AKAP11: variants seen among roughly 807,000 people sequenced by gnomAD.
AKAP11 encodes A-kinase anchor protein 11.
A neutral mutation model predicts 146.1 loss-of-function variants in AKAP11; 36 were observed. The observed-to-expected ratio is 0.25, with a 90% confidence interval of 0.19 to 0.33. The LOEUF (loss-of-function observed/expected upper bound fraction) is 0.33. Ranked by LOEUF, AKAP11 falls within the 10% of genes least tolerant of loss-of-function variation. The pLI is 1.00. For missense variants in AKAP11, 2,201 were observed against 2,197.0 expected, an observed-to-expected ratio of 1.00 and a Z score of -0.04; for synonymous variants, 780 against 786.5, an observed-to-expected ratio of 0.99 and a Z score of 0.14.
chr13:42,290,610 A>G (rs1038287432), intron 3 of AKAP11, among the ~76,000 whole-genome samples: 2 of 152,154 alleles, frequency 1.3e-5, no homozygotes, highest in African/African-American at 4.8e-5. Flanking sequence ...ATTTTTAGGT[A>G]AAGGAGCTCC....
At chr13:42,298,217 G>A (rs2138567845) in intron 6 of AKAP11, among the ~76,000 whole-genome samples, 1 of 152,114 alleles carries the variant, frequency 6.6e-6, no homozygotes, top group South Asian at 2.1e-4. Flanking sequence ...GAATGATTAA[G>A]GAAAATCATA....
intron 1 of AKAP11, among the ~76,000 whole-genome samples, chr13:42,272,981 T>C (rs1792350884): frequency 6.6e-6 from 1 of 152,262 alleles, no homozygotes; most frequent in South Asian, 2.1e-4. Flanking sequence ...TTCATTTTTT[T>C]TCTCTGCTTT....
intron 12 of AKAP11, 119 bp from the exon 13 acceptor site, chr13:42,318,969 A>G (rs1004965750): frequency 2.6e-5 from 32 of 1,215,316 alleles, no homozygotes; most frequent in Non-Finnish European, 3.6e-5. Flanking sequence ...TATAACTAGG[A>G]AACGGTATTT....
chr13:42,318,276 G>A (rs1021158128), intron 12 of AKAP11, among the ~76,000 whole-genome samples: 2 of 152,118 alleles, frequency 1.3e-5, no homozygotes, highest in Non-Finnish European at 1.5e-5. Context: ...TTTTGGGGTG[G>A]TAGAAATATT....
chr13:42,290,915 CA>C (rs1241671865), intron 3 of AKAP11, among the ~76,000 whole-genome samples: 7 of 152,128 alleles, frequency 4.6e-5, no homozygotes, highest in African/African-American at 7.2e-5. Flanking sequence ...ATTTACAGAC[CA>C]AAAGCTGGGT....
intron 8 of AKAP11, 111 bp from the exon 9 acceptor site, chr13:42,308,343 C>G (rs1960383241): frequency 2.2e-6 from 2 of 906,388 alleles, no homozygotes; most frequent in Non-Finnish European, 3.2e-6. Context: ...TGGTCTGATT[C>G]CGAATACCAT....
chr13:42,321,462 C>T lies in AKAP11; in HGVS notation c.*2234C>T, dbSNP rs144097896. On this transcript the variant is annotated 3_prime_UTR_variant, in exon 13 of 13. Transcript: ENST00000025301. ...TAATAATAGTGGAACTTCACACTTA[C>T]ATCAATTCAGTGCAGGGGCATAGAA... The T allele has an allele frequency of 9.1e-4, 139 of 152,284 alleles. No homozygotes were observed. Among genetic ancestry groups the T allele is most frequent in the African/African-American group, 3.2e-3 (133 of 41,498 alleles). 9.4% of individuals were successfully genotyped at this position (152,284 alleles called of 1,614,324 possible).
intron 1 of AKAP11, among the ~76,000 whole-genome samples, chr13:42,277,620 AG>A (rs1369491560): frequency 6.6e-6 from 1 of 152,248 alleles, no homozygotes; most frequent in Non-Finnish European, 1.5e-5. Context: ...TTTTGTAAAA[AG>A]TCATTAGGTA....
chr13:42,303,783 G>C lies in AKAP11; in HGVS notation c.5037G>C (p.Gln1679His). 1 of 1,613,504 alleles carries C rather than the reference G, an allele frequency of 6.2e-7. No individual in the cohort carries two copies. Among genetic ancestry groups the C allele is most frequent in the Non-Finnish European group, 8.5e-7 (1 of 1,179,682 alleles). The change falls in exon 8 of 13, where the codon CAG becomes CAC. Residue 1679 changes from glutamine (Q) to histidine (H), a missense_variant. By Grantham distance (24) the Gln-to-His change is conservative. This residue lies in a region of AKAP11 where 1,867 missense variants were observed against 1,833.5 expected (regional missense o/e 1.02). Transcript: ENST00000025301. ...TSLAADSGIG[Q>H]EGASFAESLA... ...TGGCAGCCGACAGTGGGATCGGACA[G>C]GAGGGTGCCAGCTTTGCTGAAAGCC...
rs1200216558 is a variant in AKAP11 at position 42,313,924 on chromosome 13, T to G, written c.5388T>G (p.His1796Gln). ...GACCAGATGATAAAGATGAAGAGCA[T>G]GAGGACGAAGTAGAAGGTAATTTGA... The part of the protein sequence containing the change: ...SDGPDDKDEE[H>Q]EDEVEGLGQD... Residue 1796 changes from histidine to glutamine, a missense_variant, in exon 11 of 13, where the codon CAT becomes CAG. His to Gln is a conservative substitution (Grantham distance 24). This residue lies in a region of AKAP11 where 1,867 missense variants were observed against 1,833.5 expected (regional missense o/e 1.02). Transcript: ENST00000025301. The G allele has an allele frequency of 6.2e-7, 1 of 1,613,798 alleles. No homozygotes were observed. Among genetic ancestry groups the G allele is most frequent in the South Asian group, 1.1e-5 (1 of 91,062 alleles).
In AKAP11 at chr13:42,302,727, T is replaced by C. The variant is rs1361547717; in HGVS notation, c.3981T>C (p.Cys1327=). The C allele has an allele frequency of 2.5e-6, 4 of 1,613,984 alleles. No homozygotes were observed. The highest frequency in any genetic ancestry group is 2.2e-5 in the South Asian group (2 of 91,082). ...TTCTTTCATTACCACCAAGTTCTTG[T>C]ATGTCAGGTCTGATGTATAAGTATC... ...PFILSLPPSS[C]MSGLMYKYPS... The change falls in exon 8 of 13, where the codon TGT becomes TGC. Residue 1327 remains cysteine, a synonymous_variant. Coordinates refer to ENST00000025301, the MANE Select transcript of AKAP11 (RefSeq NM_016248.4).
At chr13:42,286,197 A>C (rs1327727618) in intron 2 of AKAP11, 103 bp from the exon 3 acceptor site, 7 of 447,596 alleles carry the variant, frequency 1.6e-5, no homozygotes, top group African/African-American at 4.1e-5. Flanking sequence ...TTTCATTTTT[A>C]TTTTTCTTTT....
intron 1 of AKAP11, among the ~76,000 whole-genome samples, chr13:42,276,342 G>A (rs1250270070): frequency 6.6e-6 from 1 of 152,106 alleles, no homozygotes; most frequent in African/African-American, 2.4e-5. Flanking sequence ...TCCTCCCAGG[G>A]CTCAAGCGAT....
intron 11 of AKAP11, among the ~76,000 whole-genome samples, chr13:42,314,446 T>TAAAAAAAAAAAAAAAAAAAAAAA (rs59968668): frequency 8.0e-6 from 1 of 124,780 alleles, no homozygotes. Context: ...GACTCTGACT[T>TAAAAAAAAAAAAAAAAAAAAAAA]AAAAAAAAAA....
chr13:42,301,089 G>C lies in AKAP11; in HGVS notation c.2343G>C (p.Pro781=), dbSNP rs187914531. ...CTTCTGGAATTGTTACTTCTATACC[G>C]GTGCCCTTGGCAGGAAGTGCCCTTC... ...FCTSGIVTSI[P]VPLAGSALLP... Residue 781 remains proline, a synonymous_variant, in exon 8 of 13, where the codon CCG becomes CCC. Coordinates refer to ENST00000025301, the MANE Select transcript of AKAP11 (RefSeq NM_016248.4). 24 of 1,613,894 alleles carry C rather than the reference G, an allele frequency of 1.5e-5. No homozygotes were observed. The highest frequency in any genetic ancestry group is 1.9e-5 in the Non-Finnish European group (23 of 1,179,940).
At chr13:42,295,666 T>C in intron 4 of AKAP11, 29 bp from the exon 5 acceptor site, 1 of 1,603,838 alleles carries the variant, frequency 6.2e-7, no homozygotes, top group South Asian at 1.1e-5. Context: ...AAATTCAAAT[T>C]AATGGAGGTT....
In AKAP11 at chr13:42,299,550, C is replaced by T. The variant is rs750070096; in HGVS notation, c.804C>T (p.Val268=). The T allele has an allele frequency of 1.2e-6, 2 of 1,613,982 alleles. No homozygotes were observed. The highest frequency in any genetic ancestry group is 3.3e-5 in the Admixed American group (2 of 60,008). The change falls in exon 8 of 13, where the codon GTC becomes GTT. Residue 268 remains valine (V), a synonymous_variant. Coordinates refer to ENST00000025301, the MANE Select transcript of AKAP11 (RefSeq NM_016248.4). The stretch of plus-strand genomic sequence containing the variant: ...AACTACCTTCTGTGAAAACTTCAGT[C>T]ACAACATCAATTTCAGAGCCTTGGA... ...HKELPSVKTS[V]TTSISEPWTQ... is the part of the protein sequence containing the mutation.
At position 42,299,907 on chromosome 13, in the gene AKAP11, A is replaced by G; in HGVS notation, c.1161A>G (p.Lys387=). 3 of 1,613,996 alleles carry G rather than the reference A, an allele frequency of 1.9e-6. No individual in the cohort carries two copies. The highest frequency in any genetic ancestry group is 1.1e-5 in the South Asian group (1 of 91,078). The part of the protein sequence containing the change: ...DPVIGKSSQR[K]GHKHGKSCMN... ...TCATAGGGAAGTCATCGCAGAGGAAAGGGCACAAACATGGAAAGTCATGTA... is the reference window on the plus strand; with the variant it reads ...TCATAGGGAAGTCATCGCAGAGGAAGGGGCACAAACATGGAAAGTCATGTA... The change falls in exon 8 of 13, where the codon AAA becomes AAG. Residue 387 remains lysine, a synonymous_variant. Transcript: ENST00000025301.
intron 1 of AKAP11, among the ~76,000 whole-genome samples, chr13:42,278,713 G>C (rs1439315741): frequency 2.0e-5 from 3 of 152,090 alleles, no homozygotes; most frequent in Non-Finnish European, 4.4e-5. Context: ...AATAACTTCT[G>C]TTACCCTCAT....
Sources: gnomAD v4.1 joint callset for allele counts (sites outside exome capture counted in the v4.1 genomes callset) on GRCh38, gnomAD v4.1.1 for gene constraint, gnomAD v4.1.1 regional missense constraint, MANE v1.5 for transcripts, NCBI Gene and HGNC (gene_info 2026-07-23, HGNC 2026-07-21) for gene names.